The following MYZAP variants were observed in gnomAD, a reference collection of about 807,000 sequenced individuals.
MYZAP encodes the protein myocardial zonula adherens protein.
Under a neutral mutation model 69.4 loss-of-function variants are expected in MYZAP, and 66 were observed. The ratio of observed to expected loss-of-function variants is 0.95; its 90% CI spans 0.78 to 1.17. The LOEUF (loss-of-function observed/expected upper bound fraction) is 1.17. Among genes scored for constraint, MYZAP ranks in the 50% most tolerant of loss-of-function variants. The probability of loss-of-function intolerance (pLI) is 0.00; values close to 1 mark genes in which losing one functional copy is unlikely to be tolerated. For missense variants in MYZAP, 611 were observed against 556.2 expected (o/e 1.10, Z -0.99); for synonymous variants, 256 against 205.9 (o/e 1.24, Z -2.09).
intron 10 of MYZAP, among the ~76,000 whole-genome samples, chr15:57,643,475 A>G (rs147180310): frequency 2.0e-5 from 3 of 152,294 alleles, no homozygotes; most frequent in African/African-American, 4.8e-5. Flanking sequence ...AAAGTAAGAG[A>G]GCATCCTGAG....
chr15:57,676,586 GT>G, intron 12 of MYZAP, among the ~76,000 whole-genome samples: 1 of 151,682 alleles, frequency 6.6e-6, no homozygotes, highest in African/African-American at 2.4e-5. Flanking sequence ...TAATTTGGCC[GT>G]TTCCCCCCTT....
intron 11 of MYZAP, among the ~76,000 whole-genome samples, chr15:57,671,152 A>G (rs1020094170): frequency 6.6e-6 from 1 of 152,082 alleles, no homozygotes; most frequent in Admixed American, 6.6e-5. Context: ...AGTTTTTCTT[A>G]TCTGAAAGTA....
At chr15:57,679,893 G>A (rs887909907) in intron 12 of MYZAP, among the ~76,000 whole-genome samples, 3 of 152,154 alleles carry the variant, frequency 2.0e-5, no homozygotes, top group Admixed American at 6.5e-5. Flanking sequence ...TTTCATGGCC[G>A]AGTGCGCCAT....
intron 2 of MYZAP, among the ~76,000 whole-genome samples, chr15:57,612,124 A>T (rs971675226): frequency 1.3e-5 from 2 of 152,226 alleles, no homozygotes; most frequent in South Asian, 2.1e-4. Flanking sequence ...TGCCTGCAAG[A>T]TGGGCAGGGA....
At chr15:57,610,800 AG>A (rs1366431680) in intron 2 of MYZAP, among the ~76,000 whole-genome samples, 1 of 152,118 alleles carries the variant, frequency 6.6e-6, no homozygotes, top group East Asian at 1.9e-4. Flanking sequence ...TCAGACACGG[AG>A]GAGGAGCTGG....
At chr15:57,644,086 CTG>C (rs1282016472) in intron 10 of MYZAP, among the ~76,000 whole-genome samples, 1 of 152,212 alleles carries the variant, frequency 6.6e-6, no homozygotes, top group Non-Finnish European at 1.5e-5. Flanking sequence ...TGGAGGCAGA[CTG>C]AGCATTGGGT....
chr15:57,599,700 G>A (rs147954399), intron 1 of MYZAP: 211 of 1,289,074 alleles, frequency 1.6e-4, no homozygotes, highest in African/African-American at 1.3e-3. Flanking sequence ...TAAAATGCTC[G>A]GAGGTAAGGA....
rs140724145 is a variant in MYZAP, at chr15:57,682,572, C to G, written c.1305-1830C>G. On this transcript the variant is annotated intron_variant, in intron 12 of 12. Transcript: ENST00000267853. ...CAGAATAATCCTTCCCTAGTCAACCCTCGATAGTACCAGAGGAATCTTGCT... is the reference window on the plus strand; with the variant it reads ...CAGAATAATCCTTCCCTAGTCAACCGTCGATAGTACCAGAGGAATCTTGCT... 7.9e-3 allele frequency among the ~76,000 whole-genome samples: 1,202 copies of G among 152,250 alleles called. 19 individuals are homozygous for G. Among genetic ancestry groups the G allele is most frequent in the African/African-American group, 0.027 (1,133 of 41,532 alleles).
chr15:57,621,978 T>C (rs1190506432), intron 4 of MYZAP, among the ~76,000 whole-genome samples: 3 of 152,202 alleles, frequency 2.0e-5, no homozygotes, highest in African/African-American at 7.2e-5. Flanking sequence ...AACATTGTTC[T>C]TCACATACTG....
intron 1 of MYZAP, among the ~76,000 whole-genome samples, chr15:57,598,343 A>G (rs1567197786): frequency 1.3e-5 from 2 of 152,090 alleles, no homozygotes; most frequent in African/African-American, 4.8e-5. Context: ...TATCCTTCCC[A>G]GGGGGGTTGG....
chr15:57,651,800 A>G (rs901321132), intron 10 of MYZAP, among the ~76,000 whole-genome samples: 4 of 152,176 alleles, frequency 2.6e-5, no homozygotes, highest in Non-Finnish European at 1.5e-5. Flanking sequence ...TCCTTCTCAG[A>G]GAATGTGCTC....
Position 57,596,960 on chromosome 15 carries a change from C to T in MYZAP, c.75+4851C>T, listed in dbSNP as rs951982998. ...CTACTGGAAGACAGGGCTTAGGAAC[C>T]ACCCCTCCCCAGGCCTGGTGGAATA... On this transcript the variant is annotated intron_variant, in intron 1 of 12. Coordinates refer to ENST00000267853, the MANE Select transcript of MYZAP (RefSeq NM_001018100.5). Among the ~76,000 whole-genome samples the T allele has an allele frequency of 7.9e-5, 12 of 152,140 alleles. 1 individual carries two copies. The highest frequency in any genetic ancestry group is 2.7e-4 in the African/African-American group (11 of 41,420).
At chr15:57,601,524 C>T (rs1355800280) in intron 1 of MYZAP, among the ~76,000 whole-genome samples, 1 of 152,052 alleles carries the variant, frequency 6.6e-6, no homozygotes, top group African/African-American at 2.4e-5. Flanking sequence ...TACTCAAGAT[C>T]AGTGTTGTTG....
chr15:57,640,551 A>G (rs74016368), intron 10 of MYZAP, among the ~76,000 whole-genome samples: 1,623 of 152,340 alleles, frequency 0.011, 21 homozygotes, highest in African/African-American at 0.037. Flanking sequence ...AAGCATATCT[A>G]CTTCTAAGAA....
chr15:57,671,522 G>T (rs1366637614), intron 11 of MYZAP, among the ~76,000 whole-genome samples: 1 of 152,028 alleles, frequency 6.6e-6, no homozygotes, highest in South Asian at 2.1e-4. Flanking sequence ...AAACCCGTAT[G>T]TTAGGCTTTT....
chr15:57,633,309 C>T (rs1205616419), intron 7 of MYZAP, among the ~76,000 whole-genome samples: 1 of 152,182 alleles, frequency 6.6e-6, no homozygotes, highest in Non-Finnish European at 1.5e-5. Flanking sequence ...CAGTGACATT[C>T]TGAGCATCTA....
chr15:57,675,223 T>C (rs148009931), intron 12 of MYZAP, among the ~76,000 whole-genome samples, 155 bp downstream of exon 12: 2,036 of 152,308 alleles, frequency 0.013, 23 homozygotes, highest in Non-Finnish European at 0.02. Flanking sequence ...GACTGGTTTC[T>C]GTAGGAACAG....
chr15:57,627,469 C>G (rs1482157993), intron 5 of MYZAP, among the ~76,000 whole-genome samples: 2 of 151,756 alleles, frequency 1.3e-5, no homozygotes, highest in African/African-American at 2.4e-5. Context: ...GCAGGAAACT[C>G]AACCTGGTAG....
intron 11 of MYZAP, among the ~76,000 whole-genome samples, chr15:57,668,791 T>C (rs1192957057): frequency 6.6e-6 from 1 of 151,772 alleles, no homozygotes; most frequent in Non-Finnish European, 1.5e-5. Context: ...TGGATTCGAG[T>C]CCTTTGTCAG....
Sources: gnomAD v4.1 joint callset for allele counts (sites outside exome capture counted in the v4.1 genomes callset) on GRCh38, gnomAD v4.1.1 for gene constraint, MANE v1.5 for transcripts, NCBI Gene and HGNC (gene_info 2026-07-23, HGNC 2026-07-21) for gene names.